Variants in RNLS observed in about 807,000 individuals in gnomAD.
RNLS encodes renalase.
RNLS carries 39 observed loss-of-function variants against 39.8 expected under a neutral mutation model. The ratio of observed to expected loss-of-function variants is 0.98; its 90% CI spans 0.76 to 1.28. RNLS has a LOEUF of 1.28. Among genes scored for constraint, RNLS ranks in the 50% most tolerant of loss-of-function variants. The pLI is 0.00. For synonymous variants in RNLS, 147 were observed against 150.7 expected (o/e 0.98, Z 0.18); for missense variants, 410 against 413.3 (o/e 0.99, Z 0.07).
intron 4 of RNLS, among the ~76,000 whole-genome samples, chr10:88,490,004 C>A (rs1184580570): frequency 1.3e-5 from 2 of 152,068 alleles, no homozygotes; most frequent in Non-Finnish European, 2.9e-5. Flanking sequence ...GGCAAATTGA[C>A]TAGAATAACA....
chr10:88,527,916 G>C (rs1847201520), intron 4 of RNLS, among the ~76,000 whole-genome samples: 1 of 151,048 alleles, frequency 6.6e-6, no homozygotes. Flanking sequence ...CAGAAAATAA[G>C]AAAGGACACT....
At chr10:88,307,416 G>C (rs1206402523) in intron 6 of RNLS, among the ~76,000 whole-genome samples, 1 of 152,190 alleles carries the variant, frequency 6.6e-6, no homozygotes, top group East Asian at 1.9e-4. Context: ...CCTATATCTA[G>C]AAAACCTCAC....
chr10:88,267,164 C>T, the RNLS span, among the ~76,000 whole-genome samples: 1 of 152,138 alleles, frequency 6.6e-6, no homozygotes, highest in African/African-American at 2.4e-5. Flanking sequence ...CAAATTAATA[C>T]ACCATAAATT....
chr10:88,500,198 TAA>T (rs1845397385), intron 4 of RNLS, among the ~76,000 whole-genome samples: 1 of 152,156 alleles, frequency 6.6e-6, no homozygotes, highest in African/African-American at 2.4e-5. Flanking sequence ...AATTTAGTTA[TAA>T]GTTAGTTCCT....
intron 5 of RNLS, among the ~76,000 whole-genome samples, chr10:88,355,078 G>A (rs576334500): frequency 5.3e-4 from 80 of 152,220 alleles, no homozygotes; most frequent in African/African-American, 1.6e-3. Context: ...GTCCTTTAAG[G>A]ACTTCTCTGC....
At chr10:88,378,337 T>C (rs1851193915) in intron 4 of RNLS, among the ~76,000 whole-genome samples, 1 of 152,224 alleles carries the variant, frequency 6.6e-6, no homozygotes, top group African/African-American at 2.4e-5. Flanking sequence ...TTTGCCATCC[T>C]GTTTCTGGCC....
At chr10:88,321,988 A>G (rs535633117) in intron 5 of RNLS, among the ~76,000 whole-genome samples, 13 of 152,316 alleles carry the variant, frequency 8.5e-5, no homozygotes, top group Admixed American at 7.2e-4. Context: ...TGGCAAGGAC[A>G]CAATCAAGGA....
chr10:88,233,886 A>C, the RNLS span, among the ~76,000 whole-genome samples: 1 of 152,034 alleles, frequency 6.6e-6, no homozygotes, highest in African/African-American at 2.4e-5. Flanking sequence ...GGCTTTGTAA[A>C]TAATAACAAA....
At chr10:88,278,907 AGTT>A (rs1352361470) in intron 6 of RNLS, among the ~76,000 whole-genome samples, 1 of 152,240 alleles carries the variant, frequency 6.6e-6, no homozygotes, top group Non-Finnish European at 1.5e-5. Flanking sequence ...GAATAAAAAA[AGTT>A]AATTAGTTAA....
the RNLS span, among the ~76,000 whole-genome samples, chr10:88,197,212 T>C: frequency 6.6e-6 from 1 of 152,192 alleles, no homozygotes; most frequent in South Asian, 2.1e-4. Flanking sequence ...AAAGAGTTGG[T>C]AGAGAGAATA....
At chr10:88,404,544 G>A (rs1414798760) in intron 4 of RNLS, among the ~76,000 whole-genome samples, 1 of 152,038 alleles carries the variant, frequency 6.6e-6, no homozygotes, top group Non-Finnish European at 1.5e-5. Context: ...AGTGACAATA[G>A]AATAGTAATG....
chr10:88,199,017 A>G, the RNLS span, among the ~76,000 whole-genome samples: 1 of 152,278 alleles, frequency 6.6e-6, no homozygotes, highest in Admixed American at 6.5e-5. Context: ...TGGCCCCAGC[A>G]AAGACTCCAG....
chr10:88,278,167 C>A (rs1032853826), intron 6 of RNLS, among the ~76,000 whole-genome samples: 2 of 152,078 alleles, frequency 1.3e-5, no homozygotes, highest in African/African-American at 2.4e-5. Context: ...GGTTAGAGTG[C>A]TGTTCAGCCA....
chr10:88,312,671 G>A (rs977872712), intron 6 of RNLS, among the ~76,000 whole-genome samples: 14 of 152,090 alleles, frequency 9.2e-5, no homozygotes, highest in Non-Finnish European at 2.9e-5. Context: ...AAACTCATAA[G>A]ACTGCTTTTA....
At chr10:88,281,466 AG>A (rs1843005520), downstream of RNLS, among the ~76,000 whole-genome samples, 1 of 152,128 alleles carries the variant, frequency 6.6e-6, no homozygotes, top group African/African-American at 2.4e-5. Context: ...CTCCCACTCC[AG>A]GGGTCTTGTC....
the RNLS span, among the ~76,000 whole-genome samples, chr10:88,253,534 G>A: frequency 6.6e-6 from 1 of 152,134 alleles, no homozygotes; most frequent in African/African-American, 2.4e-5. Context: ...ACGTCTGTAG[G>A]GCCTTTGGAA....
At chr10:88,503,168 G>T (rs1845598386) in intron 4 of RNLS, among the ~76,000 whole-genome samples, 1 of 152,140 alleles carries the variant, frequency 6.6e-6, no homozygotes, top group African/African-American at 2.4e-5. Context: ...ATTACTTGAG[G>T]TCAGGAGTTT....
rs116310320 is a variant in RNLS, at chr10:88,574,906, C to T, written c.368-1845G>A. On this transcript the variant is annotated intron_variant, in intron 3 of 6. Transcript: ENST00000331772. ...TATTTATTTAGGATGCCTCACCCTA[C>T]TTGCCTCACTTAGTCCATGGCCCTG... Among the ~76,000 whole-genome samples the T allele has an allele frequency of 3.1e-3, 474 of 152,038 alleles. 2 individuals carry two copies. The highest frequency in any genetic ancestry group is 0.01 in the African/African-American group (432 of 41,470).
In RNLS at chr10:88,469,991, GTC is replaced by G. The variant is rs1380160186; in HGVS notation, c.526+102910_526+102911del. 1.6e-4 allele frequency among the ~76,000 whole-genome samples: 24 copies of G among 151,354 alleles called. No homozygotes were observed. The East Asian group carries it at 4.4e-3, about 28-fold the overall frequency. ...TATATCTCATATATATTTATATATA[GTC>G]TGTTTCTATAAGTGAAACAACCCAA... On this transcript the variant is annotated intron_variant, in intron 4 of 6. Coordinates refer to ENST00000331772, the MANE Select transcript of RNLS (RefSeq NM_001031709.3).
Sources: allele counts gnomAD v4.1 joint callset (sites outside exome capture counted in the v4.1 genomes callset), GRCh38; gene constraint gnomAD v4.1.1; transcripts MANE v1.5; gene names NCBI Gene and HGNC (gene_info 2026-07-23, HGNC 2026-07-21).